OR1J2: variants seen among roughly 807,000 people sequenced by gnomAD.
OR1J2 encodes the protein olfactory receptor family 1 subfamily J member 2.
For synonymous variants in OR1J2, 142 were observed against 99.7 expected (o/e 1.42, Z -2.52); for missense variants, 304 against 246.1 (o/e 1.24, Z -1.57).
chr9:122,566,692 A>C, the OR1J2 span, among the ~76,000 whole-genome samples: 3 of 152,336 alleles, frequency 2.0e-5, no homozygotes, highest in East Asian at 5.8e-4. Context: ...ATATATACAT[A>C]TATCTCACAA....
chr9:122,453,546 G>A, the OR1J2 span, among the ~76,000 whole-genome samples: 1 of 152,168 alleles, frequency 6.6e-6, no homozygotes, highest in African/African-American at 2.4e-5. Context: ...AAAAAGTACT[G>A]TGTCCCTCAA....
the OR1J2 span, chr9:122,553,280 G>A: frequency 6.2e-7 from 1 of 1,613,710 alleles, no homozygotes; most frequent in Non-Finnish European, 8.5e-7. Context: ...TCTCTGAGTG[G>A]CCAGAGGAGC....
chr9:122,510,684 T>C, upstream of OR1J2: 2 of 656,666 alleles, frequency 3.0e-6, no homozygotes, highest in African/African-American at 1.8e-5. Flanking sequence ...GTGTGTGTTG[T>C]TCCTCTCCCT....
At chr9:122,576,152 G>C in the OR1J2 span, among the ~76,000 whole-genome samples, 2 of 152,000 alleles carry the variant, frequency 1.3e-5, no homozygotes, top group African/African-American at 4.8e-5. Flanking sequence ...TTTTGCTGTT[G>C]ACTTGTAAGA....
chr9:122,536,701 C>G, the OR1J2 span, among the ~76,000 whole-genome samples: 1 of 152,290 alleles, frequency 6.6e-6, no homozygotes, highest in East Asian at 1.9e-4. Context: ...GAATGTCTTT[C>G]TCAAGGACCT....
At chr9:122,563,939 T>C in the OR1J2 span, among the ~76,000 whole-genome samples, 1 of 152,354 alleles carries the variant, frequency 6.6e-6, no homozygotes, top group South Asian at 2.1e-4. Context: ...GATTTATTTT[T>C]GGGTTGTCTA....
At chr9:122,572,042 C>T in the OR1J2 span, among the ~76,000 whole-genome samples, 1 of 152,118 alleles carries the variant, frequency 6.6e-6, no homozygotes, top group African/African-American at 2.4e-5. Flanking sequence ...AAGGCAAAGC[C>T]GGAGCAGGCA....
chr9:122,542,557 T>C, the OR1J2 span, among the ~76,000 whole-genome samples: 7 of 152,192 alleles, frequency 4.6e-5, no homozygotes, highest in African/African-American at 7.2e-5. Context: ...GGTGAAAGAA[T>C]TTTACAGTAA....
upstream of OR1J2, among the ~76,000 whole-genome samples, chr9:122,509,666 G>A (rs999023552): frequency 6.6e-6 from 1 of 152,172 alleles, no homozygotes; most frequent in Non-Finnish European, 1.5e-5. Context: ...GGTTGGCAAG[G>A]GTGAGGGGAA....
chr9:122,506,097 T>A (rs1032847726), upstream of OR1J2, among the ~76,000 whole-genome samples: 5 of 152,124 alleles, frequency 3.3e-5, no homozygotes, highest in Non-Finnish European at 7.4e-5. Flanking sequence ...TGGGATATGG[T>A]TCTACCTAAA....
chr9:122,492,215 A>G, the OR1J2 span, among the ~76,000 whole-genome samples: 5 of 151,930 alleles, frequency 3.3e-5, no homozygotes, highest in African/African-American at 7.3e-5. Flanking sequence ...TGACTACCCA[A>G]TGTTTAGCTC....
At chr9:122,571,714 CAA>C in the OR1J2 span, among the ~76,000 whole-genome samples, 5 of 124,298 alleles carry the variant, frequency 4.0e-5, no homozygotes, top group Admixed American at 8.2e-5. Context: ...GACTCAGTCT[CAA>C]AAAAAAAAAA....
chr9:122,564,111 G>A, the OR1J2 span, among the ~76,000 whole-genome samples: 3 of 152,240 alleles, frequency 2.0e-5, no homozygotes, highest in Non-Finnish European at 1.5e-5. Context: ...GGGGACTACT[G>A]GACACTGGCT....
the OR1J2 span, among the ~76,000 whole-genome samples, chr9:122,492,461 C>T: frequency 7.9e-5 from 12 of 152,034 alleles, no homozygotes; most frequent in African/African-American, 2.7e-4. Flanking sequence ...GATGAATATG[C>T]AAGTATATTT....
the OR1J2 span, among the ~76,000 whole-genome samples, chr9:122,528,866 A>G: frequency 2.0e-5 from 3 of 152,254 alleles, no homozygotes; most frequent in South Asian, 6.2e-4. Flanking sequence ...AAACCAGGGT[A>G]TCAATGCTCT....
At chr9:122,499,730 C>T in the OR1J2 span, among the ~76,000 whole-genome samples, 1 of 152,306 alleles carries the variant, frequency 6.6e-6, no homozygotes, top group Non-Finnish European at 1.5e-5. Context: ...CTCGCTGCAC[C>T]AAGATCTATG....
At chr9:122,571,796 G>A in the OR1J2 span, among the ~76,000 whole-genome samples, 49 of 151,906 alleles carry the variant, frequency 3.2e-4, no homozygotes, top group Non-Finnish European at 8.8e-5. Flanking sequence ...ACAGTGCCTT[G>A]GACTTGAGGC....
the OR1J2 span, among the ~76,000 whole-genome samples, chr9:122,478,890 C>T: frequency 6.6e-6 from 1 of 151,952 alleles, no homozygotes; most frequent in Non-Finnish European, 1.5e-5. Context: ...AGCGATTCTT[C>T]CAGCTAATTT....
At chr9:122,568,308 T>C in the OR1J2 span, 46 of 1,614,008 alleles carry the variant, frequency 2.9e-5, no homozygotes, top group Non-Finnish European at 3.6e-5. Flanking sequence ...CATAGGGGTC[T>C]GAAGATGGGG....
Sources: gnomAD v4.1 joint callset for allele counts (sites outside exome capture counted in the v4.1 genomes callset) on GRCh38, gnomAD v4.1.1 for gene constraint, MANE v1.5 for transcripts, NCBI Gene and HGNC (gene_info 2026-07-23, HGNC 2026-07-21) for gene names.